The following ST3GAL1 variants were observed in gnomAD, a reference collection of about 807,000 sequenced individuals.
ST3GAL1 encodes the protein ST3 beta-galactoside alpha-2,3-sialyltransferase 1, also known as CMP-N-acetylneuraminate-beta-galactosamide-alpha-2,3-sialyltransferase 1.
In ST3GAL1, 16 loss-of-function variants were observed where a neutral mutation model predicts 34.1. The observed-to-expected ratio is 0.47, with a 90% confidence interval of 0.32 to 0.71. The LOEUF (loss-of-function observed/expected upper bound fraction) is 0.71. Among genes scored for constraint, ST3GAL1 ranks in the 30% least tolerant of loss-of-function variants. ST3GAL1 has a pLI of 0.04. For missense variants in ST3GAL1, 353 were observed against 447.4 expected, an observed-to-expected ratio of 0.79 and a Z score of 1.90; for synonymous variants, 191 against 184.7, an observed-to-expected ratio of 1.03 and a Z score of -0.28.
intron 3 of ST3GAL1, among the ~76,000 whole-genome samples, chr8:133,487,884 C>T (rs575790170): frequency 1.7e-4 from 25 of 151,334 alleles, no homozygotes; most frequent in African/African-American, 5.6e-4. Context: ...AGGAGAATTG[C>T]TTGAACCCGG....
chr8:133,500,937 A>C (rs1044457077), intron 2 of ST3GAL1, among the ~76,000 whole-genome samples: 5 of 152,226 alleles, frequency 3.3e-5, no homozygotes, highest in African/African-American at 1.2e-4. Context: ...ATGAATTAGC[A>C]GTGAGCTGGG....
At chr8:133,531,619 C>A (rs1818154504) in intron 2 of ST3GAL1, among the ~76,000 whole-genome samples, 1 of 151,960 alleles carries the variant, frequency 6.6e-6, no homozygotes, top group Admixed American at 6.6e-5. Context: ...AGTGAAAACA[C>A]ATGGACACAG....
At chr8:133,503,281 C>A (rs1318652946) in intron 2 of ST3GAL1, among the ~76,000 whole-genome samples, 2 of 152,204 alleles carry the variant, frequency 1.3e-5, no homozygotes, top group African/African-American at 4.8e-5. Context: ...AGTAGATAGT[C>A]AGGAGAGCCG....
rs183356984 is a variant in ST3GAL1, at chr8:133,552,511, A to G, written c.-581-6585T>C. Among the ~76,000 whole-genome samples the G allele has an allele frequency of 4.6e-5, 7 of 152,344 alleles. No individual in the cohort carries two copies. In the East Asian group the frequency reaches 1.4e-3, roughly 29 times the overall value. On this transcript the variant is annotated intron_variant, in intron 1 of 9. Transcript: ENST00000522652. The stretch of plus-strand genomic sequence containing the variant: ...GTGTGAACCAGGAATGACATGGTTC[A>G]TGCCAGCGTTTGAGCAAACTGAGCA...
intron 2 of ST3GAL1, among the ~76,000 whole-genome samples, chr8:133,523,166 G>C (rs1324685286): frequency 6.6e-6 from 1 of 152,190 alleles, no homozygotes; most frequent in Non-Finnish European, 1.5e-5. Flanking sequence ...GAGGGGAGTT[G>C]CGTGGCTTCT....
At chr8:133,477,980 C>T (rs1816242089) in intron 3 of ST3GAL1, among the ~76,000 whole-genome samples, 1 of 152,172 alleles carries the variant, frequency 6.6e-6, no homozygotes, top group Admixed American at 6.5e-5. Flanking sequence ...GCCCAAGATG[C>T]ATAGGGTGCA....
intron 2 of ST3GAL1, among the ~76,000 whole-genome samples, chr8:133,524,144 C>T (rs150185065): frequency 1.5e-3 from 227 of 152,326 alleles, no homozygotes; most frequent in Non-Finnish European, 2.6e-3. Flanking sequence ...CCTTGACTCT[C>T]GCTGGCCCTC....
Position 133,472,550 on chromosome 8 carries a change from G to A in ST3GAL1, c.306+3169C>T, listed in dbSNP as rs150693521. The stretch of plus-strand genomic sequence containing the variant: ...GGGGGCCTTTAAGCAGAGCAATGGC[G>A]CAGCCTGGAGTTCTCAGGATGGCTT... On this transcript the variant is annotated intron_variant, in intron 5 of 9. Transcript: ENST00000522652. 4.6e-3 allele frequency among the ~76,000 whole-genome samples: 706 copies of A among 152,346 alleles called. 6 individuals carry two copies. Among genetic ancestry groups the A allele is most frequent in the African/African-American group, 0.016 (666 of 41,558 alleles).
chr8:133,562,934 G>T (rs1023144563), intron 1 of ST3GAL1, among the ~76,000 whole-genome samples: 1 of 148,866 alleles, frequency 6.7e-6, no homozygotes, highest in East Asian at 2.0e-4. Flanking sequence ...TTTTTATGTG[G>T]AGTTGTTTTA....
intron 2 of ST3GAL1, among the ~76,000 whole-genome samples, chr8:133,502,518 G>A (rs1817213803): frequency 6.6e-6 from 1 of 151,948 alleles, no homozygotes; most frequent in Non-Finnish European, 1.5e-5. Flanking sequence ...CCATTTGCAA[G>A]CCAGAAAGAG....
chr8:133,566,552 C>G (rs1275384908), intron 1 of ST3GAL1, among the ~76,000 whole-genome samples: 1 of 152,104 alleles, frequency 6.6e-6, no homozygotes, highest in East Asian at 1.9e-4. Context: ...GGGGTGATCA[C>G]CCACATGCAC....
chr8:133,536,360 T>G (rs1375134960), intron 2 of ST3GAL1, among the ~76,000 whole-genome samples: 1 of 152,202 alleles, frequency 6.6e-6, no homozygotes, highest in African/African-American at 2.4e-5. Context: ...AGATTATCTG[T>G]AAATGCCCAA....
Position 133,461,928 on chromosome 8 carries a change from A to G in ST3GAL1, c.796T>C (p.Tyr266His). Reference protein sequence around the residue: ...FDNWLQGHGRYPSTGILSVIF... With the variant: ...FDNWLQGHGRHPSTGILSVIF... Reference sequence around the variant, plus strand: ...ACCGAGAGGATGCCGGTAGATGGGTATCGCCCGTGCCCTTGCAGCCAGTTG... The same window carrying G: ...ACCGAGAGGATGCCGGTAGATGGGTGTCGCCCGTGCCCTTGCAGCCAGTTG... The change falls in exon 9 of 10, where the codon TAC becomes CAC. Residue 266 changes from tyrosine (Y) to histidine (H), a missense_variant. Transcript: ENST00000522652. The surrounding 1 kb of genome is among the most constrained non-coding windows in gnomAD (Gnocchi z 4.7). The G allele has an allele frequency of 6.2e-7, 1 of 1,614,202 alleles. No individual in the cohort carries two copies. Among genetic ancestry groups the G allele is most frequent in the Non-Finnish European group, 8.5e-7 (1 of 1,180,032 alleles).
At chr8:133,529,404 C>G (rs1460546322) in intron 2 of ST3GAL1, among the ~76,000 whole-genome samples, 1 of 152,198 alleles carries the variant, frequency 6.6e-6, no homozygotes, top group Non-Finnish European at 1.5e-5. Flanking sequence ...TCGTAAAACT[C>G]AGGACCTGCT....
intron 2 of ST3GAL1, among the ~76,000 whole-genome samples, chr8:133,541,483 A>T (rs1393889709): frequency 6.6e-6 from 1 of 151,466 alleles, no homozygotes; most frequent in Non-Finnish European, 1.5e-5. Flanking sequence ...AGAAACTCTC[A>T]CTCCCACATG....
At chr8:133,509,096 A>C (rs145453501) in intron 2 of ST3GAL1, among the ~76,000 whole-genome samples, 77 of 152,352 alleles carry the variant, frequency 5.1e-4, no homozygotes, top group African/African-American at 1.8e-3. Context: ...TTTTAAGTTT[A>C]AAATGCAGTT....
intron 1 of ST3GAL1, among the ~76,000 whole-genome samples, chr8:133,565,151 C>CTGTGTGTG (rs60990775): frequency 0.055 from 7,689 of 139,314 alleles, 260 homozygotes; most frequent in African/African-American, 0.078. Flanking sequence ...CTCTGTGTGC[C>CTGTGTGTG]TGTGTGTGTG....
chr8:133,480,419 T>A (rs1337139786), intron 3 of ST3GAL1, among the ~76,000 whole-genome samples: 1 of 152,084 alleles, frequency 6.6e-6, no homozygotes, highest in Admixed American at 6.5e-5. Context: ...CTGTAGTAAA[T>A]ACCCACTGAA....
At chr8:133,551,578 GAAAGAA>G (rs1319919939) in intron 1 of ST3GAL1, among the ~76,000 whole-genome samples, 2 of 149,572 alleles carry the variant, frequency 1.3e-5, no homozygotes, top group Non-Finnish European at 3.0e-5. Context: ...AAGAAAGAAA[GAAAGAA>G]AGAAAGAAAG....
Sources: allele counts gnomAD v4.1 joint callset (sites outside exome capture counted in the v4.1 genomes callset), GRCh38; gene constraint gnomAD v4.1.1; non-coding constraint Gnocchi (gnomAD v3.1); transcripts MANE v1.5; gene names NCBI Gene and HGNC (gene_info 2026-07-23, HGNC 2026-07-21).